USH2A: variants seen among roughly 807,000 people sequenced by gnomAD.
USH2A encodes usherin.
A neutral mutation model predicts 538.9 loss-of-function variants in USH2A; 443 were observed. That is an observed-to-expected ratio of 0.82 (90% CI 0.76 to 0.89). The LOEUF is 0.89. Among genes scored for constraint, USH2A ranks in the 40% least tolerant of loss-of-function variants. USH2A has a pLI of 0.00. For synonymous variants in USH2A, 2,413 were observed against 2,273.5 expected, an observed-to-expected ratio of 1.06 and a Z score of -1.75; for missense variants, 6,633 against 6,324.8, an observed-to-expected ratio of 1.05 and a Z score of -1.65.
intron 40 of USH2A, among the ~76,000 whole-genome samples, chr1:215,890,684 G>T (rs748788558): frequency 6.6e-6 from 1 of 152,074 alleles, no homozygotes; most frequent in African/African-American, 2.4e-5. Context: ...TTTGCTCTCT[G>T]GTATACAGTA....
rs548145375 is a variant in USH2A at position 216,403,876 on chromosome 1, G to A, written c.651+14638C>T. Among the ~76,000 whole-genome samples, 16 of 152,188 alleles carry A rather than the reference G, an allele frequency of 1.1e-4. No homozygotes were observed. In the South Asian group the frequency reaches 2.9e-3, roughly 28 times the overall value. ...ACATGCTGTTCTCATGATAGTGAGT[G>A]AGTTCTCACGAGATCTGATGGCTTA... On this transcript the variant is annotated intron_variant, in intron 3 of 71. Transcript: ENST00000307340.
chr1:215,707,748 C>A (rs1180496269), intron 61 of USH2A, among the ~76,000 whole-genome samples: 3 of 152,114 alleles, frequency 2.0e-5, no homozygotes, highest in Admixed American at 2.0e-4. Flanking sequence ...AAAGTATGAA[C>A]ATACTGGATT....
intron 15 of USH2A, among the ~76,000 whole-genome samples, chr1:216,215,122 T>C (rs1239489196): frequency 3.3e-5 from 5 of 151,996 alleles, no homozygotes; most frequent in Admixed American, 3.3e-4. Flanking sequence ...TTTTGGAAAT[T>C]ACATCCTAGG....
chr1:215,948,584 T>C (rs922885980), intron 37 of USH2A, among the ~76,000 whole-genome samples: 2 of 151,930 alleles, frequency 1.3e-5, no homozygotes, highest in African/African-American at 4.8e-5. Context: ...TCAACAAATA[T>C]ACAGTATAAT....
chr1:215,936,885 G>C (rs892782534), intron 37 of USH2A, among the ~76,000 whole-genome samples: 3 of 151,930 alleles, frequency 2.0e-5, no homozygotes, highest in African/African-American at 7.3e-5. Flanking sequence ...TGCAAAAGAG[G>C]GTCTGATATC....
At chr1:216,390,990 T>C (rs2039097248) in intron 3 of USH2A, among the ~76,000 whole-genome samples, 1 of 152,172 alleles carries the variant, frequency 6.6e-6, no homozygotes, top group South Asian at 2.1e-4. Flanking sequence ...GTGAATATAT[T>C]TAAATATAGA....
intron 41 of USH2A, among the ~76,000 whole-genome samples, chr1:215,882,632 C>T (rs1019970539): frequency 5.9e-5 from 9 of 152,196 alleles, no homozygotes; most frequent in African/African-American, 1.7e-4. Context: ...TTTGTATGCT[C>T]GTACAAGCAA....
chr1:216,097,973 A>G (rs1301418812), intron 21 of USH2A, among the ~76,000 whole-genome samples: 1 of 138,508 alleles, frequency 7.2e-6, no homozygotes. Context: ...CCCTACCTTT[A>G]CATGTCCCCA....
At chr1:215,776,464 C>T (rs1306339371) in intron 55 of USH2A, among the ~76,000 whole-genome samples, 5 of 152,068 alleles carry the variant, frequency 3.3e-5, no homozygotes, top group African/African-American at 1.2e-4. Context: ...AAAGCATTTA[C>T]GGGATCATGT....
chr1:216,149,450 C>G (rs958667132), intron 21 of USH2A, among the ~76,000 whole-genome samples: 1 of 152,126 alleles, frequency 6.6e-6, no homozygotes, highest in Non-Finnish European at 1.5e-5. Flanking sequence ...AAAGGTAGAA[C>G]GGACTAATGG....
At chr1:215,820,919 TTAAGTCTTTTTTATGGCTGAA>T (rs1197586502) in intron 47 of USH2A, among the ~76,000 whole-genome samples, 1 of 150,690 alleles carries the variant, frequency 6.6e-6, no homozygotes, top group Non-Finnish European at 1.5e-5. Context: ...ATAATAGGAG[TTAAGTCTTTTTTATGGCTGAA>T]TAAGAGTCCA....
Position 215,674,736 on chromosome 1 carries a change from C to A in USH2A, c.13175G>T (p.Arg4392Ile). ...QNGKITKYLV[R>I]YDNKESLAGQ... ...AGCAAGGGACTCTTTATTATCATAT[C>A]TAACTAAATATTTAGTAATCTTTCC... Residue 4392 changes from arginine to isoleucine, a missense_variant, in exon 63 of 72, where the codon AGA becomes ATA. Arg to Ile is a moderately conservative substitution (Grantham distance 97). Transcript: ENST00000307340. 1 of 1,614,108 alleles carries A rather than the reference C, an allele frequency of 6.2e-7. No homozygotes were observed. Among genetic ancestry groups the A allele is most frequent in the Non-Finnish European group, 8.5e-7 (1 of 1,180,032 alleles).
chr1:216,320,443 A>C (rs1370657698), intron 9 of USH2A, among the ~76,000 whole-genome samples: 1 of 152,154 alleles, frequency 6.6e-6, no homozygotes, highest in East Asian at 1.9e-4. Context: ...CATTCCATAC[A>C]CTTGTCATTG....
At chr1:216,343,867 C>A (rs2038125110) in intron 4 of USH2A, among the ~76,000 whole-genome samples, 1 of 151,914 alleles carries the variant, frequency 6.6e-6, no homozygotes, top group Non-Finnish European at 1.5e-5. Context: ...ATGCTCACTG[C>A]AGTAAGGGTT....
intron 12 of USH2A, among the ~76,000 whole-genome samples, chr1:216,250,062 C>T (rs1486921542): frequency 2.0e-5 from 3 of 152,132 alleles, no homozygotes; most frequent in Non-Finnish European, 2.9e-5. Context: ...ACAGGGCTCA[C>T]TTCATCAGGA....
intron 13 of USH2A, among the ~76,000 whole-genome samples, chr1:216,240,013 C>CA (rs55691066): frequency 0.18 from 20,236 of 111,288 alleles, 1,417 homozygotes; most frequent in Non-Finnish European, 0.23. Flanking sequence ...ATGAAATAAA[C>CA]AAAAAAAAAA....
Position 215,790,115 on chromosome 1 carries a change from A to G in USH2A, c.10126T>C (p.Tyr3376His). 1 of 1,613,816 alleles carries G rather than the reference A, an allele frequency of 6.2e-7. No individual in the cohort carries two copies. Among genetic ancestry groups the G allele is most frequent in the South Asian group, 1.1e-5 (1 of 91,076 alleles). The change falls in exon 51 of 72, where the codon TAT becomes CAT. Residue 3376 changes from tyrosine to histidine, a missense_variant. Tyr to His is a moderately conservative substitution (Grantham distance 83). Transcript: ENST00000307340. ...GAGCAAACATATTTCAAAGGATTAT[A>G]TCCAACTCCATTACAGCATTTCTGG... ...KSQKCCNGVG[Y>H]NPLKYVCSDK...
At chr1:215,852,612 T>A (rs1664047116) in intron 44 of USH2A, among the ~76,000 whole-genome samples, 1 of 152,212 alleles carries the variant, frequency 6.6e-6, no homozygotes, top group African/African-American at 2.4e-5. Context: ...AAGTCCCTGC[T>A]GCCTATGAGC....
chr1:216,017,763 G>A (rs1003653261), intron 32 of USH2A, among the ~76,000 whole-genome samples: 13 of 152,286 alleles, frequency 8.5e-5, no homozygotes, highest in African/African-American at 3.1e-4. Flanking sequence ...CTGTTTGCCA[G>A]GCAGTGCTAA....
Sources: allele counts gnomAD v4.1 joint callset (sites outside exome capture counted in the v4.1 genomes callset), GRCh38; gene constraint gnomAD v4.1.1; transcripts MANE v1.5; gene names NCBI Gene and HGNC (gene_info 2026-07-23, HGNC 2026-07-21).